The following PPP2R3A variants were observed in gnomAD, a reference collection of about 807,000 sequenced individuals.
The protein encoded by PPP2R3A is protein phosphatase 2 regulatory subunit B''alpha, also known as serine/threonine-protein phosphatase 2A regulatory subunit B'' subunit alpha.
PPP2R3A carries 80 observed loss-of-function variants against 106.9 expected under a neutral mutation model. That is an observed-to-expected ratio of 0.75 (90% CI 0.62 to 0.90). PPP2R3A has a LOEUF of 0.90. Ranked by LOEUF, PPP2R3A falls within the 40% of genes least tolerant of loss-of-function variation. The probability of loss-of-function intolerance (pLI) is 0.00; values close to 1 mark genes in which losing one functional copy is unlikely to be tolerated. For missense variants in PPP2R3A, 1,386 were observed against 1,350.4 expected (o/e 1.03, Z -0.41); for synonymous variants, 483 against 468.3 (o/e 1.03, Z -0.41).
At chr3:136,066,742 G>A (rs905657723) in intron 5 of PPP2R3A, among the ~76,000 whole-genome samples, 1 of 152,078 alleles carries the variant, frequency 6.6e-6, no homozygotes, top group East Asian at 1.9e-4. Context: ...CTCGAGGACC[G>A]CACCAAGAGG....
chr3:136,078,880 A>C (rs1018754070), intron 7 of PPP2R3A, among the ~76,000 whole-genome samples: 2 of 152,248 alleles, frequency 1.3e-5, no homozygotes, highest in Non-Finnish European at 2.9e-5. Flanking sequence ...AGAGAAAAGT[A>C]CTAAAAATTC....
intron 2 of PPP2R3A, among the ~76,000 whole-genome samples, chr3:136,005,353 G>C (rs1017073922): frequency 6.6e-6 from 1 of 152,038 alleles, no homozygotes; most frequent in Non-Finnish European, 1.5e-5. Context: ...TTTGAATAAG[G>C]GATACTCAGT....
chr3:136,105,727 T>A (rs1576314296), intron 12 of PPP2R3A, among the ~76,000 whole-genome samples: 2 of 152,104 alleles, frequency 1.3e-5, no homozygotes, highest in Non-Finnish European at 2.9e-5. Flanking sequence ...TTTGGGACGC[T>A]GAGGCGGGCA....
At chr3:135,975,360 C>A (rs1937388903) in intron 1 of PPP2R3A, among the ~76,000 whole-genome samples, 1 of 152,156 alleles carries the variant, frequency 6.6e-6, no homozygotes, top group Non-Finnish European at 1.5e-5. Flanking sequence ...CAGCCTTTGT[C>A]TGCAAACCTA....
At chr3:136,030,786 G>A (rs78936763) in intron 3 of PPP2R3A, among the ~76,000 whole-genome samples, 20,277 of 80,460 alleles carry the variant, frequency 0.25, 2,160 homozygotes, top group African/African-American at 0.35. Flanking sequence ...ATATATGTAT[G>A]TATGTATGTA....
intron 1 of PPP2R3A, among the ~76,000 whole-genome samples, chr3:135,994,959 A>G (rs1337627493): frequency 6.6e-6 from 1 of 152,216 alleles, no homozygotes. Flanking sequence ...GAACTGCCAT[A>G]TAGCAGTTTA....
intron 1 of PPP2R3A, among the ~76,000 whole-genome samples, chr3:135,967,908 T>C (rs1219330664): frequency 2.6e-5 from 4 of 152,324 alleles, no homozygotes; most frequent in African/African-American, 9.6e-5. Context: ...TTAGCAGCAT[T>C]TCTAACCTTT....
chr3:135,975,851 AATT>A (rs1200245166), intron 1 of PPP2R3A, among the ~76,000 whole-genome samples: 1 of 152,138 alleles, frequency 6.6e-6, no homozygotes, highest in African/African-American at 2.4e-5. Context: ...TATATAATCT[AATT>A]AAAAGCACTG....
At chr3:136,105,821 G>C (rs1269914161) in intron 12 of PPP2R3A, among the ~76,000 whole-genome samples, 1 of 152,044 alleles carries the variant, frequency 6.6e-6, no homozygotes, top group Non-Finnish European at 1.5e-5. Context: ...TTAGCTGGAC[G>C]TGGTGGTACT....
chr3:136,051,810 C>T (rs1935695424), intron 5 of PPP2R3A, among the ~76,000 whole-genome samples: 1 of 152,172 alleles, frequency 6.6e-6, no homozygotes, highest in Non-Finnish European at 1.5e-5. Flanking sequence ...GTCACTGCCA[C>T]CCAACAATAA....
intron 13 of PPP2R3A, among the ~76,000 whole-genome samples, chr3:136,140,214 A>AC: frequency 6.6e-6 from 1 of 152,192 alleles, no homozygotes; most frequent in African/African-American, 2.4e-5. Flanking sequence ...AGAAGGAGTC[A>AC]GTTAACATAC....
intron 1 of PPP2R3A, among the ~76,000 whole-genome samples, chr3:135,977,688 CTTTTTTTTTTTTTTT>C (rs66592538): frequency 3.3e-5 from 2 of 61,098 alleles, no homozygotes; most frequent in Admixed American, 2.1e-4. Flanking sequence ...GATCAGCATT[CTTTTTTTTTTTTTTT>C]TTTTTTTTTT....
At chr3:136,078,478 T>C (rs1936667296) in intron 7 of PPP2R3A, 25 bp downstream of exon 7, 2 of 1,371,644 alleles carry the variant, frequency 1.5e-6, no homozygotes, top group Non-Finnish European at 2.1e-6. Flanking sequence ...AGAATTCATG[T>C]GTAATGAGCA....
intron 4 of PPP2R3A, among the ~76,000 whole-genome samples, chr3:136,045,697 C>T (rs1429083967): frequency 6.6e-6 from 1 of 152,166 alleles, no homozygotes; most frequent in African/African-American, 2.4e-5. Flanking sequence ...GCAGCATCAC[C>T]CTACCCAGGG....
At chr3:136,069,389 C>T (rs1559901389) in intron 5 of PPP2R3A, among the ~76,000 whole-genome samples, 1 of 152,034 alleles carries the variant, frequency 6.6e-6, no homozygotes, top group East Asian at 1.9e-4. Context: ...CCAGCCTGGC[C>T]AGCATGGTGA....
chr3:135,989,589 A>T (rs932503802), intron 1 of PPP2R3A, among the ~76,000 whole-genome samples: 2 of 152,086 alleles, frequency 1.3e-5, no homozygotes, highest in Non-Finnish European at 2.9e-5. Flanking sequence ...AACACAAAAA[A>T]ATCTCCTGAG....
At chr3:136,108,983 A>T (rs1463645339) in intron 13 of PPP2R3A, among the ~76,000 whole-genome samples, 2 of 152,198 alleles carry the variant, frequency 1.3e-5, no homozygotes, top group Non-Finnish European at 2.9e-5. Flanking sequence ...CCAAGAGACA[A>T]GCCAAAATAA....
intron 4 of PPP2R3A, among the ~76,000 whole-genome samples, chr3:136,044,933 G>A (rs1935421726): frequency 6.6e-6 from 1 of 152,210 alleles, no homozygotes. Flanking sequence ...AGCTGGCAGA[G>A]ACAGAGCTCG....
chr3:136,042,375 T>C (rs1018449563), intron 4 of PPP2R3A, among the ~76,000 whole-genome samples: 1 of 152,014 alleles, frequency 6.6e-6, no homozygotes, highest in Non-Finnish European at 1.5e-5. Context: ...TTAGGAAAAA[T>C]AGCTAATGCA....
Sources: allele counts gnomAD v4.1 joint callset (sites outside exome capture counted in the v4.1 genomes callset), GRCh38; gene constraint gnomAD v4.1.1; transcripts MANE v1.5; gene names NCBI Gene and HGNC (gene_info 2026-07-23, HGNC 2026-07-21).